The following TSPAN9 variants were observed in gnomAD, a reference collection of about 807,000 sequenced individuals.
TSPAN9 encodes the protein tetraspanin 9.
TSPAN9 carries 16 observed loss-of-function variants against 31.0 expected under a neutral mutation model. The observed-to-expected ratio is 0.52, with a 90% confidence interval of 0.35 to 0.78. TSPAN9 has a LOEUF of 0.78. TSPAN9 is among the 30% of genes least tolerant of loss of function. TSPAN9 has a pLI of 0.01. For synonymous variants in TSPAN9, 145 were observed against 121.6 expected (o/e 1.19, Z -1.27); for missense variants, 272 against 312.5 (o/e 0.87, Z 0.98).
At chr12:3,157,122 C>T (rs1253571035) in intron 2 of TSPAN9, among the ~76,000 whole-genome samples, 4 of 141,810 alleles carry the variant, frequency 2.8e-5, no homozygotes, top group Non-Finnish European at 4.6e-5. Context: ...TTTTTTGAGA[C>T]GGAGTCTCGC....
At chr12:3,206,460 A>G in intron 3 of TSPAN9, 1 of 423,774 alleles carries the variant, frequency 2.4e-6, no homozygotes, top group South Asian at 1.6e-5. Context: ...GCCTGCACCC[A>G]GAGCCCTGGT....
At chr12:3,160,238 G>A (rs1441105874) in intron 2 of TSPAN9, among the ~76,000 whole-genome samples, 2 of 152,124 alleles carry the variant, frequency 1.3e-5, no homozygotes, top group Non-Finnish European at 2.9e-5. Flanking sequence ...TTAGCATAAG[G>A]TTTTCAGGGT....
chr12:3,191,162 A>T (rs2098364183), intron 2 of TSPAN9, among the ~76,000 whole-genome samples: 1 of 152,098 alleles, frequency 6.6e-6, no homozygotes, highest in African/African-American at 2.4e-5. Flanking sequence ...ATGTGGGTTA[A>T]TTTGGTGGGA....
chr12:3,197,070 C>T (rs1378928963), intron 2 of TSPAN9, among the ~76,000 whole-genome samples: 1 of 152,162 alleles, frequency 6.6e-6, no homozygotes, highest in Non-Finnish European at 1.5e-5. Context: ...TCACATCCAC[C>T]AACTGACTTT....
chr12:3,109,168 C>CCT (rs1372052975), intron 2 of TSPAN9, among the ~76,000 whole-genome samples: 1 of 151,704 alleles, frequency 6.6e-6, no homozygotes, highest in Non-Finnish European at 1.5e-5. Flanking sequence ...GATCTCCTGA[C>CCT]CTCGTGATCC....
chr12:3,174,606 G>A (rs894786789), intron 2 of TSPAN9, among the ~76,000 whole-genome samples: 1 of 151,784 alleles, frequency 6.6e-6, no homozygotes, highest in African/African-American at 2.4e-5. Context: ...TTTTTGAGAC[G>A]GAGTCTCACT....
intron 3 of TSPAN9, among the ~76,000 whole-genome samples, chr12:3,252,331 T>C (rs1862258354): frequency 6.6e-6 from 1 of 152,128 alleles, no homozygotes; most frequent in Admixed American, 6.5e-5. Flanking sequence ...TTAGAGGGTA[T>C]GGTGATGGCA....
At chr12:3,130,574 C>G (rs1228112515) in intron 2 of TSPAN9, among the ~76,000 whole-genome samples, 1 of 152,130 alleles carries the variant, frequency 6.6e-6, no homozygotes, top group Admixed American at 6.5e-5. Context: ...CGGGACTGGC[C>G]TGGGGCAGGG....
At chr12:3,202,295 G>T (rs1040090834) in intron 3 of TSPAN9, among the ~76,000 whole-genome samples, 5 of 152,234 alleles carry the variant, frequency 3.3e-5, no homozygotes, top group African/African-American at 1.2e-4. Flanking sequence ...GCTGTCAGCT[G>T]CCCACTGCCC....
chr12:3,223,502 G>T (rs928000592), intron 3 of TSPAN9, among the ~76,000 whole-genome samples: 16 of 152,252 alleles, frequency 1.1e-4, no homozygotes, highest in African/African-American at 3.4e-4. Flanking sequence ...TTGCTGCAAG[G>T]ATGCGTTGGG....
chr12:3,209,989 A>AAG (rs2098377648), intron 3 of TSPAN9, among the ~76,000 whole-genome samples: 1 of 37,312 alleles, frequency 2.7e-5, no homozygotes. Flanking sequence ...AAAAAAAATT[A>AAG]GCCGGGTGTG....
At chr12:3,223,023 T>C (rs2098385359) in intron 3 of TSPAN9, among the ~76,000 whole-genome samples, 1 of 152,220 alleles carries the variant, frequency 6.6e-6, no homozygotes, top group African/African-American at 2.4e-5. Context: ...GTGAGGGACC[T>C]GCAGGAGCCG....
intron 3 of TSPAN9, among the ~76,000 whole-genome samples, chr12:3,229,714 G>C (rs1049109825): frequency 1.3e-5 from 2 of 152,232 alleles, no homozygotes; most frequent in Non-Finnish European, 2.9e-5. Flanking sequence ...AACCCAGAGT[G>C]AGAGGAAGAA....
intron 2 of TSPAN9, among the ~76,000 whole-genome samples, chr12:3,145,869 G>A (rs941809757): frequency 3.9e-5 from 6 of 152,234 alleles, no homozygotes; most frequent in Admixed American, 6.5e-5. Context: ...GCAGTGTTCC[G>A]AAATCACCTG....
intron 3 of TSPAN9, among the ~76,000 whole-genome samples, chr12:3,209,509 C>T (rs2098377211): frequency 3.3e-5 from 5 of 152,038 alleles, no homozygotes; most frequent in Non-Finnish European, 7.4e-5. Context: ...GGTGGAGGAC[C>T]ATCTTTTAAG....
intron 2 of TSPAN9, among the ~76,000 whole-genome samples, chr12:3,153,986 T>A (rs2098341073): frequency 7.0e-6 from 1 of 142,254 alleles, no homozygotes; most frequent in African/African-American, 2.6e-5. Flanking sequence ...CACTAATACA[T>A]TAATATATTA....
rs567686528 is a variant in TSPAN9 at position 3,133,298 on chromosome 12, C to T, written c.-18+49579C>T. Among the ~76,000 whole-genome samples the T allele has an allele frequency of 1.2e-4, 18 of 152,272 alleles. 1 individual carries two copies. Among genetic ancestry groups the T allele is most frequent in the African/African-American group, 4.1e-4 (17 of 41,538 alleles). Reference sequence around the variant, plus strand: ...GAGGCCTGGTCTGTCTCACCAGGCACTTCCTACAAGTACACAGTTTGGTCA... The same window carrying T: ...GAGGCCTGGTCTGTCTCACCAGGCATTTCCTACAAGTACACAGTTTGGTCA... On this transcript the variant is annotated intron_variant, in intron 2 of 8. Transcript: ENST00000011898.
At chr12:3,113,277 C>T (rs1453509318) in intron 2 of TSPAN9, among the ~76,000 whole-genome samples, 2 of 152,140 alleles carry the variant, frequency 1.3e-5, no homozygotes, top group Non-Finnish European at 2.9e-5. Context: ...GAGAGCATCT[C>T]CAGTCAGTCA....
intron 3 of TSPAN9, 111 bp downstream of exon 3, chr12:3,201,367 TG>T: frequency 9.4e-7 from 1 of 1,067,642 alleles, no homozygotes; most frequent in Non-Finnish European, 1.4e-6. Context: ...CTCTGCACAG[TG>T]GTAAGTGTGC....
Sources: allele counts gnomAD v4.1 joint callset (sites outside exome capture counted in the v4.1 genomes callset), GRCh38; gene constraint gnomAD v4.1.1; transcripts MANE v1.5; gene names NCBI Gene and HGNC (gene_info 2026-07-23, HGNC 2026-07-21).